Variants in CACNA1C observed in about 807,000 individuals in gnomAD.
CACNA1C encodes calcium voltage-gated channel subunit alpha1 C.
In CACNA1C, 30 loss-of-function variants were observed where a neutral mutation model predicts 229.0. That is an observed-to-expected ratio of 0.13 (90% CI 0.10 to 0.18). The LOEUF (loss-of-function observed/expected upper bound fraction) is 0.18. Among genes scored for constraint, CACNA1C ranks in the 10% least tolerant of loss-of-function variants. The pLI is 1.00. For synonymous variants in CACNA1C, 1,114 were observed against 1,132.5 expected, an observed-to-expected ratio of 0.98 and a Z score of 0.33; for missense variants, 1,658 against 2,845.0, an observed-to-expected ratio of 0.58 and a Z score of 9.49.
intron 1 of CACNA1C, among the ~76,000 whole-genome samples, chr12:2,110,800 A>G (rs2081347842): frequency 6.6e-6 from 1 of 152,162 alleles, no homozygotes; most frequent in Non-Finnish European, 1.5e-5. Context: ...CCATTACTGT[A>G]AGCATTGTAT....
rs71441677 is a variant in CACNA1C, at chr12:2,100,582, CAAAAA to C, written c.50-14621_50-14617del. On this transcript the variant is annotated intron_variant, in intron 1 of 46. Coordinates refer to ENST00000399655, the MANE Select transcript of CACNA1C (RefSeq NM_000719.7). ...CTGGGCAACATAGCCCTGTTTCTAC[CAAAAA>C]AAAAAAAAAAAAAAAAAAAATTAGC... is the stretch of plus-strand genomic sequence containing the variant. Among the ~76,000 whole-genome samples the C allele has an allele frequency of 2.9e-4, 19 of 66,470 alleles. No individual in the cohort carries two copies. The South Asian group carries it at 9.7e-3, about 34-fold the overall frequency. The allele number at this position is 66,470 out of a possible 152,430, so 43.6% of individuals were successfully genotyped here.
intron 1 of CACNA1C, chr12:1,998,066 A>G (rs1213832823): frequency 1.7e-6 from 2 of 1,168,230 alleles, no homozygotes; most frequent in African/African-American, 1.6e-5. Flanking sequence ...GGAATTATAT[A>G]TAACTTCAAT....
chr12:2,209,129 T>C (rs1368495850), intron 3 of CACNA1C, among the ~76,000 whole-genome samples: 3 of 152,216 alleles, frequency 2.0e-5, no homozygotes, highest in Non-Finnish European at 4.4e-5. Context: ...CTGGTTCCCA[T>C]GCCTGCCACT....
intron 1 of CACNA1C, chr12:1,991,505 AT>A (rs1347525153): frequency 4.2e-6 from 1 of 240,800 alleles, no homozygotes; most frequent in Non-Finnish European, 8.3e-6. Context: ...AAATATTGTC[AT>A]TTCAACATGT....
At chr12:2,231,501 C>T (rs887508744) in intron 3 of CACNA1C, among the ~76,000 whole-genome samples, 4 of 152,076 alleles carry the variant, frequency 2.6e-5, no homozygotes, top group Non-Finnish European at 4.4e-5. Flanking sequence ...GTGGGAGGCA[C>T]GCATTACTTA....
intron 3 of CACNA1C, among the ~76,000 whole-genome samples, chr12:2,156,475 T>G (rs1375910721): frequency 6.6e-6 from 1 of 152,078 alleles, no homozygotes; most frequent in African/African-American, 2.4e-5. Flanking sequence ...CACCCACCGG[T>G]GTTTATTTGT....
chr12:2,088,325 G>A lies in CACNA1C; in HGVS notation c.50-26899G>A, dbSNP rs947635045. Among the ~76,000 whole-genome samples the A allele has an allele frequency of 4.4e-4, 67 of 152,346 alleles. 1 individual carries two copies. The highest frequency in any genetic ancestry group is 4.1e-3 in the Admixed American group (62 of 15,298). On this transcript the variant is annotated intron_variant, in intron 1 of 46. Transcript: ENST00000399655. The stretch of plus-strand genomic sequence containing the variant: ...ACCCTCTGCTGGGTTGGAGGCTGGG[G>A]AGGAAGGAGAGGAGGCTGAAAGTCA...
chr12:2,636,714 G>C (rs112088027), intron 30 of CACNA1C, among the ~76,000 whole-genome samples: 5 of 152,298 alleles, frequency 3.3e-5, no homozygotes, highest in South Asian at 2.1e-4. Flanking sequence ...TTTTGGTAAA[G>C]AGAAACCTCA....
intron 3 of CACNA1C, among the ~76,000 whole-genome samples, chr12:2,122,837 C>T (rs544523913): frequency 3.3e-5 from 5 of 152,180 alleles, no homozygotes; most frequent in South Asian, 2.1e-4. Flanking sequence ...GCCTGTGGAC[C>T]GGTGCAGCGA....
Position 2,488,136 on chromosome 12 carries a change from G to C in CACNA1C, c.916+1874G>C, listed in dbSNP as rs565700251. ...AGATGGCGGCCCTGCTGTGCAATCA[G>C]AGGTCTGTGCACCACAGAGTAAGGA... On this transcript the variant is annotated intron_variant, in intron 6 of 46. Coordinates refer to ENST00000399655, the MANE Select transcript of CACNA1C (RefSeq NM_000719.7). The surrounding 1 kb of genome is among the most constrained non-coding windows in gnomAD (Gnocchi z 4.0). 6.6e-6 allele frequency among the ~76,000 whole-genome samples: 1 copy of C among 152,332 alleles called. No homozygotes were observed. The highest frequency in any genetic ancestry group is 1.9e-4 in the East Asian group (1 of 5,190).
chr12:2,607,037 C>A lies in CACNA1C; in HGVS notation c.3263C>A (p.Pro1088His), dbSNP rs2075700132. ...GAGGTTGACCACCCCATCATCCAAC[C>A]CCGCAGCTGGGAGAACAGCAAGTTT... ...DGEVDHPIIQ[P>H]RSWENSKFDF... The change falls in exon 26 of 47, where the codon CCC becomes CAC. Residue 1088 changes from proline to histidine, a missense_variant. Physicochemically the swap from Pro to His is moderately conservative, Grantham distance 77. Transcript: ENST00000399655. The A allele has an allele frequency of 2.5e-6, 4 of 1,614,036 alleles. No homozygotes were observed. Among genetic ancestry groups the A allele is most frequent in the Non-Finnish European group, 3.4e-6 (4 of 1,179,890 alleles).
chr12:2,023,784 A>T (rs1314814183), intron 1 of CACNA1C, among the ~76,000 whole-genome samples: 1 of 152,040 alleles, frequency 6.6e-6, no homozygotes, highest in Non-Finnish European at 1.5e-5. Flanking sequence ...GAAAAATAAA[A>T]AGGACAGATG....
intron 13 of CACNA1C, among the ~76,000 whole-genome samples, chr12:2,572,782 TCTCCTCCTC>T (rs1215696392): frequency 1.0e-5 from 1 of 100,294 alleles, no homozygotes; most frequent in East Asian, 3.3e-4. Context: ...CTCCTTCTCC[TCTCCTCCTC>T]CTCCTCCTCT....
intron 44 of CACNA1C, 48 bp from the exon 45 acceptor site, chr12:2,686,118 G>A (rs746944825): frequency 7.0e-7 from 1 of 1,431,482 alleles, no homozygotes; most frequent in East Asian, 2.3e-5. Context: ...TCACAGGCCA[G>A]TGCCCTGTTT....
intron 3 of CACNA1C, among the ~76,000 whole-genome samples, chr12:2,401,473 G>A (rs2098676447): frequency 6.6e-6 from 1 of 152,316 alleles, no homozygotes; most frequent in South Asian, 2.1e-4. Context: ...GGTAGGACAG[G>A]TCTCCCCTTT....
chr12:2,303,824 C>T lies in CACNA1C; in HGVS notation c.478-145152C>T, dbSNP rs537630136. 1.2e-4 allele frequency among the ~76,000 whole-genome samples: 19 copies of T among 152,328 alleles called. No homozygotes were observed. The South Asian group carries it at 2.5e-3, about 20-fold the overall frequency. On this transcript the variant is annotated intron_variant, in intron 3 of 46. Coordinates refer to ENST00000399655, the MANE Select transcript of CACNA1C (RefSeq NM_000719.7). ...CACCTCAGTCTGATGTCCAAGGAGGCCCCCTGTGGACGGGCCTGGCCCAGA... is the reference window on the plus strand; with the variant it reads ...CACCTCAGTCTGATGTCCAAGGAGGTCCCCTGTGGACGGGCCTGGCCCAGA...
At chr12:2,631,720 C>T (rs562082952) in intron 29 of CACNA1C, among the ~76,000 whole-genome samples, 5 of 152,386 alleles carry the variant, frequency 3.3e-5, no homozygotes, top group African/African-American at 1.2e-4. Context: ...CTGACCCTCA[C>T]CTCACCCACG....
chr12:2,531,074 T>G (rs1413099905), intron 9 of CACNA1C, among the ~76,000 whole-genome samples: 1 of 152,238 alleles, frequency 6.6e-6, no homozygotes, highest in African/African-American at 2.4e-5. Context: ...TACTGAATAT[T>G]AGGAACGACA....
chr12:2,131,829 C>G (rs1435522995), intron 3 of CACNA1C, among the ~76,000 whole-genome samples: 2 of 148,560 alleles, frequency 1.3e-5, no homozygotes, highest in Non-Finnish European at 3.0e-5. Context: ...TAGTTTTTTC[C>G]AATTCTGTGA....
Sources: gnomAD v4.1 joint callset for allele counts (sites outside exome capture counted in the v4.1 genomes callset) on GRCh38, gnomAD v4.1.1 for gene constraint, Gnocchi (gnomAD v3.1) non-coding constraint, MANE v1.5 for transcripts, NCBI Gene and HGNC (gene_info 2026-07-23, HGNC 2026-07-21) for gene names.